The following RNF130 variants were observed in gnomAD, a reference collection of about 807,000 sequenced individuals.
RNF130 encodes the protein ring finger protein 130, also known as E3 ubiquitin-protein ligase RNF130.
A neutral mutation model predicts 44.6 loss-of-function variants in RNF130; 21 were observed. The ratio of observed to expected loss-of-function variants is 0.47; its 90% CI spans 0.33 to 0.68. The LOEUF is 0.68. Among genes scored for constraint, RNF130 ranks in the 30% least tolerant of loss-of-function variants. The probability of loss-of-function intolerance (pLI) is 0.02; values close to 1 mark genes in which losing one functional copy is unlikely to be tolerated. For synonymous variants in RNF130, 214 were observed against 210.4 expected (o/e 1.02, Z -0.15); for missense variants, 479 against 560.6 (o/e 0.85, Z 1.47).
At chr5:179,921,613 C>T (rs1425328615) in intron 7 of RNF130, among the ~76,000 whole-genome samples, 3 of 152,158 alleles carry the variant, frequency 2.0e-5, no homozygotes, top group South Asian at 4.1e-4. Flanking sequence ...GCTTCAACTA[C>T]GTAGTGAAAC....
chr5:179,993,890 A>G (rs1336367747), intron 3 of RNF130, among the ~76,000 whole-genome samples: 1 of 152,126 alleles, frequency 6.6e-6, no homozygotes, highest in African/African-American at 2.4e-5. Flanking sequence ...TCCATCTTGA[A>G]TTAATTTTTG....
At chr5:180,000,024 C>T (rs1007352751) in intron 3 of RNF130, among the ~76,000 whole-genome samples, 3 of 152,194 alleles carry the variant, frequency 2.0e-5, no homozygotes, top group Non-Finnish European at 4.4e-5. Flanking sequence ...TATCTGCTCT[C>T]TACCAGTGAC....
At chr5:179,990,018 T>C (rs895035316) in intron 3 of RNF130, among the ~76,000 whole-genome samples, 3 of 152,146 alleles carry the variant, frequency 2.0e-5, no homozygotes, top group African/African-American at 7.2e-5. Flanking sequence ...TGTTTGCTTG[T>C]AGGGTCCAGC....
chr5:179,921,791 G>A (rs1761634753), intron 7 of RNF130, among the ~76,000 whole-genome samples: 1 of 149,214 alleles, frequency 6.7e-6, no homozygotes, highest in African/African-American at 2.6e-5. Flanking sequence ...GGGAAGGCGA[G>A]GTGGGTGGAT....
intron 3 of RNF130, among the ~76,000 whole-genome samples, chr5:179,983,043 G>C (rs561053250): frequency 6.6e-6 from 1 of 152,178 alleles, no homozygotes; most frequent in Non-Finnish European, 1.5e-5. Context: ...CATGTGTTTT[G>C]CCTATATTTC....
intron 7 of RNF130, among the ~76,000 whole-genome samples, chr5:179,930,143 T>C (rs1171738503): frequency 6.6e-6 from 1 of 152,108 alleles, no homozygotes; most frequent in Non-Finnish European, 1.5e-5. Flanking sequence ...CTGCGACCTC[T>C]GCCCCCCGGG....
intron 8 of RNF130, among the ~76,000 whole-genome samples, chr5:179,962,775 A>T (rs1025239766): frequency 2.6e-5 from 4 of 152,042 alleles, no homozygotes. Flanking sequence ...ACCCCTGACA[A>T]GTGACATCCA....
Position 179,948,961 on chromosome 5 carries a change from A to ATT in RNF130, c.1150+17843_1150+17844dup, listed in dbSNP as rs554440602. Among the ~76,000 whole-genome samples the ATT allele has an allele frequency of 3.6e-3, 465 of 128,556 alleles. 10 individuals are homozygous for ATT. The highest frequency in any genetic ancestry group is 0.011 in the African/African-American group (364 of 32,884). The allele number at this position is 128,556 out of a possible 152,430, so 84.3% of individuals were successfully genotyped here. ...ACCTGGCCAATGCTTCCTTGGAATAATTTTTTTTTTTTTTTTTTTTTTGAG... is the reference window on the plus strand; with the variant it reads ...ACCTGGCCAATGCTTCCTTGGAATAATTTTTTTTTTTTTTTTTTTTTTTTGAG... On this transcript the variant is annotated intron_variant, in intron 7 of 7. Transcript: ENST00000522208.
At chr5:179,970,740 T>C (rs926511648) in intron 5 of RNF130, among the ~76,000 whole-genome samples, 1 of 152,220 alleles carries the variant, frequency 6.6e-6, no homozygotes, top group African/African-American at 2.4e-5. Flanking sequence ...TTTGGTTGTT[T>C]GGGCCTTTTA....
At chr5:179,946,755 C>G (rs879311056) in intron 7 of RNF130, among the ~76,000 whole-genome samples, 10 of 152,062 alleles carry the variant, frequency 6.6e-5, no homozygotes, top group Admixed American at 6.6e-4. Context: ...GGGGCTTCAC[C>G]GTGTTAGCCA....
chr5:180,056,153 T>A (rs935779746), intron 1 of RNF130, among the ~76,000 whole-genome samples: 1 of 150,780 alleles, frequency 6.6e-6, no homozygotes, highest in Middle Eastern at 3.2e-3. Context: ...GAAAAGAAAG[T>A]CAAAAAACTA....
chr5:179,928,740 T>TA (rs1244562844), intron 7 of RNF130, among the ~76,000 whole-genome samples: 1 of 151,666 alleles, frequency 6.6e-6, no homozygotes, highest in Non-Finnish European at 1.5e-5. Flanking sequence ...GCCATTCTCC[T>TA]GCCTCAGCCT....
At chr5:179,961,312 TG>T (rs1762323906) in intron 8 of RNF130, among the ~76,000 whole-genome samples, 1 of 152,158 alleles carries the variant, frequency 6.6e-6, no homozygotes, top group Non-Finnish European at 1.5e-5. Context: ...TGGTTTTGAC[TG>T]AAGGCACAGA....
At chr5:179,979,663 G>A (rs1254970034) in intron 4 of RNF130, among the ~76,000 whole-genome samples, 2 of 152,124 alleles carry the variant, frequency 1.3e-5, no homozygotes, top group South Asian at 2.1e-4. Flanking sequence ...TCCTGACACT[G>A]CCTCTCTCCC....
At chr5:180,024,364 C>T (rs1030306354) in intron 2 of RNF130, among the ~76,000 whole-genome samples, 1 of 152,184 alleles carries the variant, frequency 6.6e-6, no homozygotes. Context: ...TGGTACCTAA[C>T]AGGAAACTGG....
chr5:180,051,741 C>A (rs1470418275), intron 1 of RNF130, among the ~76,000 whole-genome samples: 1 of 152,060 alleles, frequency 6.6e-6, no homozygotes, highest in African/African-American at 2.4e-5. Context: ...ATCCTTAGAA[C>A]GCAAATATAT....
chr5:180,050,146 C>A (rs1764654782), intron 1 of RNF130, among the ~76,000 whole-genome samples: 1 of 152,174 alleles, frequency 6.6e-6, no homozygotes, highest in Non-Finnish European at 1.5e-5. Flanking sequence ...CTAGTTATTT[C>A]TTTATACAGA....
intron 3 of RNF130, among the ~76,000 whole-genome samples, chr5:179,998,964 T>A (rs910420482): frequency 7.4e-5 from 11 of 149,226 alleles, no homozygotes; most frequent in Non-Finnish European, 1.5e-4. Context: ...CTGATCTCTT[T>A]ATCATTATAT....
intron 2 of RNF130, among the ~76,000 whole-genome samples, chr5:180,024,189 C>G (rs1399689081): frequency 6.6e-6 from 1 of 152,118 alleles, no homozygotes; most frequent in Non-Finnish European, 1.5e-5. Flanking sequence ...CAAGAGAAAA[C>G]TAATGGATCA....
Sources: gnomAD v4.1 joint callset for allele counts (sites outside exome capture counted in the v4.1 genomes callset) on GRCh38, gnomAD v4.1.1 for gene constraint, MANE v1.5 for transcripts, NCBI Gene and HGNC (gene_info 2026-07-23, HGNC 2026-07-21) for gene names.